ZNF469: variants seen among roughly 807,000 people sequenced by gnomAD.
ZNF469 encodes zinc finger protein 469.
In ZNF469, 1 loss-of-function variant was observed where a neutral mutation model predicts 1.0. The ratio of observed to expected loss-of-function variants is 1.00; its 90% CI spans 0.35 to 4.73. ZNF469 has a LOEUF of 4.73. Among genes scored for constraint, ZNF469 ranks in the 30% most tolerant of loss-of-function variants. The pLI is 0.16. For missense variants in ZNF469, 6,100 were observed against 5,356.3 expected (o/e 1.14, Z -4.33); for synonymous variants, 2,703 against 2,363.4 (o/e 1.14, Z -4.17).
At chr16:88,151,819 A>G in the ZNF469 span, among the ~76,000 whole-genome samples, 88 of 152,342 alleles carry the variant, frequency 5.8e-4, no homozygotes, top group African/African-American at 1.9e-3. The surrounding 1 kb of genome is among the most constrained non-coding windows in gnomAD (Gnocchi z 5.4). Context: ...GAAGCCTCCA[A>G]CAATTTTTAA....
the ZNF469 span, among the ~76,000 whole-genome samples, chr16:88,240,876 C>G: frequency 0.33 from 50,477 of 151,942 alleles, 10,508 homozygotes; most frequent in African/African-American, 0.59. Flanking sequence ...TGTGCCCCAG[C>G]CTGCACCGCC....
chr16:88,131,883 C>T, the ZNF469 span, among the ~76,000 whole-genome samples: 6 of 152,196 alleles, frequency 3.9e-5, no homozygotes, highest in South Asian at 6.2e-4. Context: ...TGGCTTGGGG[C>T]GCCCACCTGC....
chr16:88,264,519 C>T, the ZNF469 span, among the ~76,000 whole-genome samples: 88 of 151,422 alleles, frequency 5.8e-4, no homozygotes, highest in African/African-American at 1.9e-3. Context: ...GCCATGGCAC[C>T]TTCCAATACC....
At chr16:88,199,643 GC>G in the ZNF469 span, among the ~76,000 whole-genome samples, 11 of 152,222 alleles carry the variant, frequency 7.2e-5, no homozygotes, top group African/African-American at 2.4e-4. Context: ...CAGTTACTGG[GC>G]TTCTATGTTC....
rs1303509279 is a variant in ZNF469 at position 88,401,980 on chromosome 16, G to A, written c.-192+18726G>A. 5.0e-3 allele frequency among the ~76,000 whole-genome samples: 613 copies of A among 123,286 alleles called. 9 individuals are homozygous for A. Among genetic ancestry groups the A allele is most frequent in the African/African-American group, 0.02 (580 of 29,632 alleles). The allele number at this position is 123,286 out of a possible 152,430, so 80.9% of individuals were successfully genotyped here. A position where few individuals can be genotyped will look rare whatever the true frequency, so the allele number is the denominator to read the frequency against. Reference sequence around the variant, plus strand: ...GATGGATGGGTGGATGGATAGATACGTGGGTGGATGGGAAGATGGATGGGT... The same window carrying A: ...GATGGATGGGTGGATGGATAGATACATGGGTGGATGGGAAGATGGATGGGT... On this transcript the variant is annotated intron_variant, in intron 1 of 2. Transcript: ENST00000565624.
rs754366630 is a variant in ZNF469 at position 88,437,814 on chromosome 16, C to G, written c.10344C>G (p.Phe3448Leu). The G allele has an allele frequency of 9.1e-6, 14 of 1,543,944 alleles. No individual in the cohort carries two copies. Among genetic ancestry groups the G allele is most frequent in the Non-Finnish European group, 1.2e-5 (14 of 1,142,184 alleles). ...NKHLRGGRQP[F>L]AFRGVRRPGA... Reference sequence around the variant, plus strand: ...ACCTCAGGGGGGGGCGGCAGCCCTTCGCGTTCCGCGGCGTGCGGAGGCCGG... The same window carrying G: ...ACCTCAGGGGGGGGCGGCAGCCCTTGGCGTTCCGCGGCGTGCGGAGGCCGG... Residue 3448 changes from phenylalanine (F) to leucine (L), a missense_variant, in exon 3 of 3, where the codon TTC becomes TTG. Coordinates refer to ENST00000565624, the MANE Select transcript of ZNF469 (RefSeq NM_001367624.2).
In ZNF469 at chr16:88,431,359, G is replaced by A. The variant is rs1190706295; in HGVS notation, c.3889G>A (p.Gly1297Ser). 3 of 1,549,856 alleles carry A rather than the reference G, an allele frequency of 1.9e-6. No individual in the cohort carries two copies. Among genetic ancestry groups the A allele is most frequent in the Non-Finnish European group, 2.6e-6 (3 of 1,146,794 alleles). ...TAPHGSSPTP[G>S]VGSLLGGPGG... ...GCCCCACGGAAGCTCGCCAACGCCA[G>A]GTGTGGGCAGCCTGCTGGGTGGTCC... The change falls in exon 3 of 3, where the codon GGT (glycine) becomes AGT (serine). Residue 1297 changes from glycine to serine, a missense_variant. Gly to Ser is a moderately conservative substitution (Grantham distance 56). Transcript: ENST00000565624.
chr16:88,344,200 C>T, the ZNF469 span, among the ~76,000 whole-genome samples: 6 of 149,438 alleles, frequency 4.0e-5, no homozygotes, highest in African/African-American at 9.9e-5. Context: ...GAAGGAGACA[C>T]GAGGATCCTG....
chr16:88,381,555 T>G (rs1222751616), upstream of ZNF469, among the ~76,000 whole-genome samples: 1 of 152,180 alleles, frequency 6.6e-6, no homozygotes, highest in East Asian at 1.9e-4. Flanking sequence ...CCTTGAAACT[T>G]TAGGAAACCC....
At chr16:88,229,253 T>C in the ZNF469 span, among the ~76,000 whole-genome samples, 1 of 152,348 alleles carries the variant, frequency 6.6e-6, no homozygotes, top group Middle Eastern at 3.4e-3. Flanking sequence ...GTGAAGATCT[T>C]GACAAGACAT....
chr16:88,418,869 ATGTT>A (rs1311133821), intron 1 of ZNF469, among the ~76,000 whole-genome samples: 2 of 152,234 alleles, frequency 1.3e-5, no homozygotes, highest in African/African-American at 2.4e-5. Context: ...GGAAAGGAGA[ATGTT>A]TGTGAAATAA....
chr16:88,360,617 C>T, the ZNF469 span, among the ~76,000 whole-genome samples: 1 of 110,050 alleles, frequency 9.1e-6, no homozygotes, highest in South Asian at 3.7e-4. Context: ...CCCGCATGCT[C>T]CCTCGAAGGC....
chr16:88,291,014 G>T, the ZNF469 span, among the ~76,000 whole-genome samples: 5 of 152,184 alleles, frequency 3.3e-5, no homozygotes, highest in Admixed American at 2.6e-4. Context: ...GCCACATGGG[G>T]TATCTGGGAA....
rs942969456 is a variant in ZNF469 at position 88,436,605 on chromosome 16, C to T, written c.9135C>T (p.Asp3045=). ...NTHLLPLRAT[D]FEVLSTKFEM... ...ACCTGCTGCCGCTCCGTGCCACGGA[C>T]TTTGAGGTGCTCAGCACCAAGTTTG... The change falls in exon 3 of 3, where the codon GAC becomes GAT. Residue 3045 remains aspartate, a synonymous_variant. Transcript: ENST00000565624. 6.5e-7 allele frequency: 1 copy of T among 1,550,320 alleles called. No homozygotes were observed.
the ZNF469 span, among the ~76,000 whole-genome samples, chr16:88,316,250 C>T: frequency 6.6e-6 from 1 of 152,224 alleles, no homozygotes; most frequent in Non-Finnish European, 1.5e-5. Context: ...CTGGACGTAC[C>T]TTTTATACCT....
chr16:88,185,055 A>C, the ZNF469 span, among the ~76,000 whole-genome samples: 1 of 149,682 alleles, frequency 6.7e-6, no homozygotes, highest in Non-Finnish European at 1.5e-5. Flanking sequence ...CCAGACACCC[A>C]CGCACAGACA....
chr16:88,181,021 T>C, the ZNF469 span, among the ~76,000 whole-genome samples: 1 of 152,016 alleles, frequency 6.6e-6, no homozygotes, highest in South Asian at 2.1e-4. Context: ...TCATCCAAAT[T>C]GATTGATTTG....
chr16:88,380,556 C>T (rs1314828237), upstream of ZNF469, among the ~76,000 whole-genome samples: 2 of 147,170 alleles, frequency 1.4e-5, no homozygotes, highest in Non-Finnish European at 1.5e-5. Context: ...CAGACATGCA[C>T]TCACACACAG....
chr16:88,262,201 C>A, the ZNF469 span, among the ~76,000 whole-genome samples: 2 of 152,156 alleles, frequency 1.3e-5, no homozygotes, highest in Non-Finnish European at 2.9e-5. The surrounding 1 kb of genome is among the most constrained non-coding windows in gnomAD (Gnocchi z 4.3). Context: ...AGGGAAGAGG[C>A]CTTTTCCATC....
Sources: gnomAD v4.1 joint callset for allele counts (sites outside exome capture counted in the v4.1 genomes callset) on GRCh38, gnomAD v4.1.1 for gene constraint, Gnocchi (gnomAD v3.1) non-coding constraint, MANE v1.5 for transcripts, NCBI Gene and HGNC (gene_info 2026-07-23, HGNC 2026-07-21) for gene names.